LIMCH1: variants seen among roughly 807,000 people sequenced by gnomAD.
LIMCH1 encodes LIM and calponin homology domains 1, also known as LIM and calponin homology domains-containing protein 1.
Under a neutral mutation model 176.5 loss-of-function variants are expected in LIMCH1, and 113 were observed. That is an observed-to-expected ratio of 0.64 (90% CI 0.55 to 0.75). The LOEUF (loss-of-function observed/expected upper bound fraction) is 0.75, where lower values mean the gene tolerates loss of function less well. LIMCH1 is among the 30% of genes least tolerant of loss of function. LIMCH1 has a pLI of 0.00. For synonymous variants in LIMCH1, 619 were observed against 645.9 expected (o/e 0.96, Z 0.63); for missense variants, 1,674 against 1,814.9 (o/e 0.92, Z 1.41).
At chr4:41,361,029 C>A (rs1047037794) in intron 1 of LIMCH1, 47 of 773,104 alleles carry the variant, frequency 6.1e-5, no homozygotes, top group African/African-American at 1.5e-4. Flanking sequence ...TTGCCTCCCC[C>A]CAACCGCCCC....
intron 1 of LIMCH1, among the ~76,000 whole-genome samples, chr4:41,368,758 G>A (rs1243043087): frequency 6.6e-6 from 1 of 152,158 alleles, no homozygotes; most frequent in Non-Finnish European, 1.5e-5. Flanking sequence ...GGAAGTTCTT[G>A]AATATTCCTT....
chr4:41,682,344 C>T lies in LIMCH1; in HGVS notation c.3729C>T (p.Asp1243=), dbSNP rs1716673813. Residue 1243 remains aspartate, a synonymous_variant, in exon 26 of 32, where the codon GAC becomes GAT. Coordinates refer to ENST00000503057, the MANE Select transcript of LIMCH1 (RefSeq NM_001330672.2). ...GTTTTTCTCCTTAGAATAAGATAGA[C>T]CTGGGAAACTGTCAAGATGAAAAAC... ...TEGSGTMNKI[D]LGNCQDEKQD... 1 of 1,610,202 alleles carries T rather than the reference C, an allele frequency of 6.2e-7. No homozygotes were observed. Among genetic ancestry groups the T allele is most frequent in the Non-Finnish European group, 8.5e-7 (1 of 1,177,060 alleles).
chr4:41,487,308 A>G (rs2069783006), intron 1 of LIMCH1, among the ~76,000 whole-genome samples: 2 of 152,154 alleles, frequency 1.3e-5, no homozygotes, highest in Non-Finnish European at 2.9e-5. Flanking sequence ...CATCTATCCT[A>G]AATAGATGGA....
intron 1 of LIMCH1, among the ~76,000 whole-genome samples, chr4:41,369,188 C>T (rs1374662508): frequency 6.6e-6 from 1 of 152,168 alleles, no homozygotes; most frequent in East Asian, 1.9e-4. Flanking sequence ...AGACCCCCTC[C>T]CCCATCTTCC....
At chr4:41,481,221 T>C (rs1358347364) in intron 1 of LIMCH1, among the ~76,000 whole-genome samples, 1 of 152,222 alleles carries the variant, frequency 6.6e-6, no homozygotes, top group Non-Finnish European at 1.5e-5. Flanking sequence ...TTCTGTGCTG[T>C]TTCTTTGCCA....
chr4:41,589,946 T>C (rs28524795), intron 1 of LIMCH1, among the ~76,000 whole-genome samples: 1 of 151,966 alleles, frequency 6.6e-6, no homozygotes, highest in African/African-American at 2.4e-5. Flanking sequence ...ACAATCTCAA[T>C]GTCTAAAAAC....
chr4:41,404,069 T>G (rs1040984880), intron 1 of LIMCH1, among the ~76,000 whole-genome samples: 12 of 152,292 alleles, frequency 7.9e-5, no homozygotes, highest in African/African-American at 2.6e-4. Flanking sequence ...TAGGATAGGC[T>G]AGAGGCTAGA....
intron 1 of LIMCH1, among the ~76,000 whole-genome samples, chr4:41,471,826 A>G (rs976764146): frequency 6.6e-6 from 1 of 151,924 alleles, no homozygotes; most frequent in Non-Finnish European, 1.5e-5. Flanking sequence ...TGTTCCTGGA[A>G]CTTCCTTTAG....
At chr4:41,568,389 G>T (rs566306486) in intron 1 of LIMCH1, among the ~76,000 whole-genome samples, 2 of 152,206 alleles carry the variant, frequency 1.3e-5, no homozygotes, top group Admixed American at 1.3e-4. Flanking sequence ...CTGACCTGAT[G>T]CACCGGAGTT....
At chr4:41,658,753 TA>T (rs1283006534) in intron 18 of LIMCH1, among the ~76,000 whole-genome samples, 1 of 152,210 alleles carries the variant, frequency 6.6e-6, no homozygotes, top group Non-Finnish European at 1.5e-5. Context: ...TTAGATTTAA[TA>T]AAATATGTTC....
rs1276044106 is a variant in LIMCH1 at position 41,619,282 on chromosome 4, G to A, written c.300G>A (p.Glu100=). ...DMSARRTSHG[E]PKSAVPFNQY... is the part of the protein sequence containing the mutation. ...CTGCACGGCGGACTTCCCATGGTGA[G>A]CCGAAATCAGCAGTGCCTTTTAACC... Residue 100 remains glutamate, a synonymous_variant, in exon 6 of 32, where the codon GAG becomes GAA. Coordinates refer to ENST00000503057, the MANE Select transcript of LIMCH1 (RefSeq NM_001330672.2). 6.2e-7 allele frequency: 1 copy of A among 1,614,232 alleles called. No individual in the cohort carries two copies. Among genetic ancestry groups the A allele is most frequent in the Admixed American group, 1.7e-5 (1 of 60,030 alleles).
chr4:41,695,497 T>C (rs1201306950), intron 31 of LIMCH1, among the ~76,000 whole-genome samples: 1 of 152,078 alleles, frequency 6.6e-6, no homozygotes, highest in East Asian at 1.9e-4. Context: ...AGCTTTCTCA[T>C]AAACTAAGTT....
intron 3 of LIMCH1, among the ~76,000 whole-genome samples, chr4:41,526,979 C>T (rs955093930): frequency 1.3e-5 from 2 of 152,196 alleles, no homozygotes; most frequent in Non-Finnish European, 2.9e-5. Context: ...GGTGCCTTTT[C>T]TTGTGATATG....
At chr4:41,489,014 C>T (rs1027332523) in intron 1 of LIMCH1, among the ~76,000 whole-genome samples, 3 of 151,962 alleles carry the variant, frequency 2.0e-5, no homozygotes, top group Non-Finnish European at 2.9e-5. Context: ...TATGGCTGTT[C>T]GTGTCAAGGG....
Position 41,644,605 on chromosome 4 carries a change from A to G in LIMCH1, c.2232A>G (p.Glu744=), listed in dbSNP as rs145435928. 64 of 1,611,980 alleles carry G rather than the reference A, an allele frequency of 4.0e-5. No homozygotes were observed. In the African/African-American group the frequency reaches 7.2e-4, roughly 18 times the overall value. Residue 744 remains glutamate, a synonymous_variant, in exon 15 of 32, where the codon GAA becomes GAG. Coordinates refer to ENST00000503057, the MANE Select transcript of LIMCH1 (RefSeq NM_001330672.2). ...AGCTGATAAATAACCAGCTGAGGGA[A>G]GAGGACGACAAATGGCAAGATGTGA... ...QLQLINNQLR[E]EDDKWQDDLA...
chr4:41,419,679 TCCTC>T (rs2060402107), intron 1 of LIMCH1, among the ~76,000 whole-genome samples: 1 of 46,854 alleles, frequency 2.1e-5, no homozygotes, highest in Admixed American at 2.6e-4. Flanking sequence ...CTTCCTTCCT[TCCTC>T]CTTCCTTCCT....
chr4:41,505,595 C>T (rs2074047627), intron 2 of LIMCH1, among the ~76,000 whole-genome samples: 2 of 152,134 alleles, frequency 1.3e-5, no homozygotes, highest in African/African-American at 2.4e-5. Context: ...TGGTTTTCTT[C>T]TCTGGGAAGC....
intron 1 of LIMCH1, among the ~76,000 whole-genome samples, chr4:41,388,516 G>A (rs1027958935): frequency 6.6e-6 from 1 of 152,224 alleles, no homozygotes; most frequent in African/African-American, 2.4e-5. Context: ...GGAATCTATT[G>A]GGGATGTTGG....
At chr4:41,661,157 T>C (rs993963478) in intron 18 of LIMCH1, among the ~76,000 whole-genome samples, 1 of 150,310 alleles carries the variant, frequency 6.7e-6, no homozygotes, top group African/African-American at 2.4e-5. Context: ...CTTTTGGTGG[T>C]GAAAGAAAAG....
Sources: gnomAD v4.1 joint callset for allele counts (sites outside exome capture counted in the v4.1 genomes callset) on GRCh38, gnomAD v4.1.1 for gene constraint, MANE v1.5 for transcripts, NCBI Gene and HGNC (gene_info 2026-07-23, HGNC 2026-07-21) for gene names.